The following DAB1 variants were observed in gnomAD, a reference collection of about 807,000 sequenced individuals.
The protein encoded by DAB1 is DAB adaptor protein 1.
A neutral mutation model predicts 64.6 loss-of-function variants in DAB1; 15 were observed. That is an observed-to-expected ratio of 0.23 (90% confidence interval 0.16 to 0.36). DAB1 has a LOEUF of 0.36. DAB1 is among the 10% of genes least tolerant of loss of function. DAB1 has a pLI of 1.00. For synonymous variants in DAB1, 235 were observed against 251.9 expected (o/e 0.93, Z 0.64); for missense variants, 596 against 706.7 (o/e 0.84, Z 1.78).
chr1:57,464,715 G>A (rs1686898400), intron 7 of DAB1, among the ~76,000 whole-genome samples: 2 of 152,056 alleles, frequency 1.3e-5, no homozygotes, highest in Non-Finnish European at 1.5e-5. Context: ...ATTCTTCCTG[G>A]AGTCTTATCA....
intron 7 of DAB1, among the ~76,000 whole-genome samples, chr1:57,637,950 G>A (rs1201055206): frequency 6.6e-6 from 1 of 152,180 alleles, no homozygotes; most frequent in Non-Finnish European, 1.5e-5. Context: ...ATATTATTCA[G>A]TTGTTTACAA....
chr1:57,538,504 T>C (rs1644757538), intron 7 of DAB1, among the ~76,000 whole-genome samples: 1 of 152,206 alleles, frequency 6.6e-6, no homozygotes. Context: ...TCATGATTGC[T>C]ATCCACACCA....
chr1:57,291,954 G>A (rs927886739), intron 1 of DAB1, among the ~76,000 whole-genome samples: 4 of 152,066 alleles, frequency 2.6e-5, no homozygotes, highest in African/African-American at 4.8e-5. Flanking sequence ...TGTCTCACTC[G>A]ATCTCATTTA....
intron 4 of DAB1, among the ~76,000 whole-genome samples, chr1:58,272,723 T>G (rs955419996): frequency 6.6e-6 from 1 of 152,008 alleles, no homozygotes; most frequent in African/African-American, 2.4e-5. Flanking sequence ...ATTGGGTGCA[T>G]ATATATTTAG....
At chr1:58,507,646 T>G (rs981723241) in intron 2 of DAB1, among the ~76,000 whole-genome samples, 1 of 152,032 alleles carries the variant, frequency 6.6e-6, no homozygotes, top group East Asian at 1.9e-4. Context: ...ATATTATTCA[T>G]GTTTATACAC....
At chr1:57,592,367 C>A (rs750840372) in intron 7 of DAB1, among the ~76,000 whole-genome samples, 1 of 152,000 alleles carries the variant, frequency 6.6e-6, no homozygotes, top group Non-Finnish European at 1.5e-5. Context: ...ACTTTAGAAC[C>A]GGATTGAGAG....
At chr1:57,328,289 G>A (rs115702875) in intron 1 of DAB1, among the ~76,000 whole-genome samples, 2,165 of 152,272 alleles carry the variant, frequency 0.014, 64 homozygotes, top group African/African-American at 0.05. Context: ...CTGTGCCAGC[G>A]TTGGGATGGC....
chr1:57,600,272 A>G (rs1645561575), intron 7 of DAB1, among the ~76,000 whole-genome samples: 1 of 152,200 alleles, frequency 6.6e-6, no homozygotes, highest in Non-Finnish European at 1.5e-5. Flanking sequence ...CTTGGTACAG[A>G]GTAGGAACTC....
rs545787626 is a variant in DAB1 at position 57,697,162 on chromosome 1, T to C, written n.552-47497A>G. 4.6e-5 allele frequency among the ~76,000 whole-genome samples: 7 copies of C among 152,284 alleles called. No homozygotes were observed. In the South Asian group the frequency reaches 1.5e-3, roughly 32 times the overall value. On this transcript the variant is annotated intron_variant and non_coding_transcript_variant, in intron 6 of 20. Transcript: ENST00000485760. ...CATAGTTGTTCATTTGCTTCTCCTA[T>C]GCCTTGCACAGTTCCTGGCATATAA...
At chr1:57,521,849 C>T (rs1045019039) in intron 7 of DAB1, among the ~76,000 whole-genome samples, 1 of 152,124 alleles carries the variant, frequency 6.6e-6, no homozygotes, top group Admixed American at 6.5e-5. Flanking sequence ...GTGGCTCATG[C>T]CTGTAATCCC....
At chr1:57,480,867 A>G (rs1166129319) in intron 7 of DAB1, among the ~76,000 whole-genome samples, 1 of 152,004 alleles carries the variant, frequency 6.6e-6, no homozygotes, top group East Asian at 1.9e-4. Flanking sequence ...GCTGAGGCTC[A>G]GAGAAGTTGT....
intron 9 of DAB1, among the ~76,000 whole-genome samples, chr1:57,061,167 G>A (rs2100563808): frequency 6.9e-6 from 1 of 144,104 alleles, no homozygotes; most frequent in East Asian, 2.1e-4. Context: ...AAACGGGCCT[G>A]CATCTGGATA....
chr1:58,436,592 T>C (rs968394248), intron 3 of DAB1, among the ~76,000 whole-genome samples: 2 of 152,166 alleles, frequency 1.3e-5, no homozygotes, highest in South Asian at 2.1e-4. Flanking sequence ...CACACTAATA[T>C]CAGAGATTAC....
At chr1:57,899,019 C>CT (rs34816727) in intron 5 of DAB1, among the ~76,000 whole-genome samples, 33 of 147,820 alleles carry the variant, frequency 2.2e-4, no homozygotes, top group Middle Eastern at 3.5e-3. Flanking sequence ...AAGAATGCAG[C>CT]TTTTTTTTTT....
At chr1:58,333,103 G>T (rs912502842) in intron 4 of DAB1, among the ~76,000 whole-genome samples, 12 of 152,154 alleles carry the variant, frequency 7.9e-5, no homozygotes, top group African/African-American at 2.6e-4. Flanking sequence ...AGAGACAGGG[G>T]TTCACCATAT....
At chr1:57,619,592 A>T (rs1645831807) in intron 7 of DAB1, among the ~76,000 whole-genome samples, 1 of 151,974 alleles carries the variant, frequency 6.6e-6, no homozygotes, top group Non-Finnish European at 1.5e-5. Context: ...TTGTAGAGAT[A>T]GGGTCTCCCT....
chr1:57,033,476 G>A, intron 9 of DAB1: 1 of 1,612,694 alleles, frequency 6.2e-7, no homozygotes, highest in Non-Finnish European at 8.5e-7. Context: ...AATGAATGAT[G>A]AGAAAATGAC....
chr1:57,207,735 C>T (rs938512521), intron 2 of DAB1, among the ~76,000 whole-genome samples: 4 of 152,232 alleles, frequency 2.6e-5, no homozygotes, highest in South Asian at 2.1e-4. Flanking sequence ...TGAGCCACCG[C>T]GCCCGGCACC....
intron 5 of DAB1, among the ~76,000 whole-genome samples, chr1:57,986,179 C>T (rs888573252): frequency 6.6e-6 from 1 of 152,132 alleles, no homozygotes; most frequent in African/African-American, 2.4e-5. Flanking sequence ...AATCACCTAG[C>T]CTTGACTCTC....
Sources: gnomAD v4.1 joint callset for allele counts (sites outside exome capture counted in the v4.1 genomes callset) on GRCh38, gnomAD v4.1.1 for gene constraint, MANE v1.5 for transcripts, NCBI Gene and HGNC (gene_info 2026-07-23, HGNC 2026-07-21) for gene names.